NSD3: variants seen among roughly 807,000 people sequenced by gnomAD.
The protein encoded by NSD3 is nuclear receptor binding SET domain protein 3, also known as histone-lysine N-methyltransferase NSD3.
A neutral mutation model predicts 160.8 loss-of-function variants in NSD3; 24 were observed. That is an observed-to-expected ratio of 0.15 (90% CI 0.11 to 0.21). The LOEUF is 0.21. Ranked by LOEUF, NSD3 falls within the 10% of genes least tolerant of loss-of-function variation. The pLI is 1.00. For missense variants in NSD3, 1,157 were observed against 1,735.9 expected (o/e 0.67, Z 5.93); for synonymous variants, 520 against 600.0 (o/e 0.87, Z 1.95).
At chr8:38,381,746 G>A (rs758491243) in intron 1 of NSD3, 53 bp downstream of exon 1, 21 of 144,822 alleles carry the variant, frequency 1.5e-4, no homozygotes, top group Non-Finnish European at 2.4e-4. Flanking sequence ...GCGCGCGCGC[G>A]CACACACACA....
intron 15 of NSD3, among the ~76,000 whole-genome samples, chr8:38,296,345 G>GT (rs1426881043): frequency 2.6e-5 from 4 of 152,164 alleles, no homozygotes; most frequent in African/African-American, 9.7e-5. Context: ...TCCTTCAGAG[G>GT]TAAGAAAGAA....
At chr8:38,379,621 A>G (rs960546245) in intron 1 of NSD3, among the ~76,000 whole-genome samples, 1 of 152,236 alleles carries the variant, frequency 6.6e-6, no homozygotes, top group Non-Finnish European at 1.5e-5. Context: ...CCACTTTAAC[A>G]ACATTCAATT....
chr8:38,324,535 T>A (rs1809862124), intron 7 of NSD3, among the ~76,000 whole-genome samples: 2 of 152,208 alleles, frequency 1.3e-5, no homozygotes, highest in Non-Finnish European at 2.9e-5. Context: ...CCACTTCAGG[T>A]CTTAAGACTT....
chr8:38,271,452 C>T lies in NSD3; in HGVS notation c.*4189G>A, dbSNP rs376637143. On this transcript the variant is annotated 3_prime_UTR_variant, in exon 24 of 24. Transcript: ENST00000317025. ...GGGGGTTCCCTTTCTCCTGGTACCCCACCCCAGGTAAAAGTTGGTGAGATT... is the reference window on the plus strand; with the variant it reads ...GGGGGTTCCCTTTCTCCTGGTACCCTACCCCAGGTAAAAGTTGGTGAGATT... 4 of 152,026 alleles carry T rather than the reference C, an allele frequency of 2.6e-5. No homozygotes were observed. Among genetic ancestry groups the T allele is most frequent in the Admixed American group, 1.3e-4 (2 of 15,268 alleles). 9.4% of individuals were successfully genotyped at this position (152,026 alleles called of 1,614,324 possible).
chr8:38,291,154 C>A (rs1462474135), intron 16 of NSD3, among the ~76,000 whole-genome samples: 1 of 152,170 alleles, frequency 6.6e-6, no homozygotes, highest in Admixed American at 6.5e-5. Context: ...TCGAGTCAAC[C>A]TGGGCAAACA....
intron 1 of NSD3, among the ~76,000 whole-genome samples, chr8:38,364,215 T>C (rs1381574964): frequency 6.6e-6 from 1 of 151,964 alleles, no homozygotes; most frequent in Non-Finnish European, 1.5e-5. Flanking sequence ...AGGTGGAGGT[T>C]GCAGTGAGCC....
chr8:38,315,282 G>T, intron 11 of NSD3, 134 bp downstream of exon 11: 1 of 1,118,562 alleles, frequency 8.9e-7, no homozygotes, highest in Non-Finnish European at 1.2e-6. Flanking sequence ...CCACAAAGAG[G>T]TTTTATATCT....
rs576445362 is a variant in NSD3, at chr8:38,322,592, T to C, written c.1709-1420A>G. ...AGCAGATGAGATTTGATTTACTGTC[T>C]TATAGAGGATAAAGCAACATGATTT... On this transcript the variant is annotated intron_variant, in intron 7 of 23. Transcript: ENST00000317025. Among the ~76,000 whole-genome samples, 10 of 152,320 alleles carry C rather than the reference T, an allele frequency of 6.6e-5. No homozygotes were observed. In the East Asian group the frequency reaches 1.9e-3, roughly 29 times the overall value.
rs1023289310 is a variant in NSD3, at chr8:38,270,624, A to G, written c.*5017T>C. 23 of 152,250 alleles carry G rather than the reference A, an allele frequency of 1.5e-4. No individual in the cohort carries two copies. The highest frequency in any genetic ancestry group is 5.5e-4 in the African/African-American group (23 of 41,458). 9.4% of individuals were successfully genotyped at this position (152,250 alleles called of 1,614,324 possible). On this transcript the variant is annotated 3_prime_UTR_variant, in exon 24 of 24. Coordinates refer to ENST00000317025, the MANE Select transcript of NSD3 (RefSeq NM_023034.2). Reference sequence around the variant, plus strand: ...CCTTATTCAATACCTTATATAGGTCATCTGACAGATACTTGAGGGCTGTTT... The same window carrying G: ...CCTTATTCAATACCTTATATAGGTCGTCTGACAGATACTTGAGGGCTGTTT...
intron 19 of NSD3, among the ~76,000 whole-genome samples, chr8:38,282,583 A>G (rs1205271013): frequency 6.6e-6 from 1 of 152,194 alleles, no homozygotes; most frequent in African/African-American, 2.4e-5. Context: ...AGGCTGGAGA[A>G]TCGCCGAAAC....
chr8:38,307,114 C>CAA (rs1194554014), intron 12 of NSD3, among the ~76,000 whole-genome samples: 3 of 64,164 alleles, frequency 4.7e-5, no homozygotes, highest in Non-Finnish European at 6.8e-5. Flanking sequence ...GATACCGTCT[C>CAA]AAAAAAAAAA....
intron 1 of NSD3, among the ~76,000 whole-genome samples, chr8:38,358,172 T>C (rs1055316961): frequency 6.6e-6 from 1 of 152,198 alleles, no homozygotes; most frequent in Non-Finnish European, 1.5e-5. Flanking sequence ...TGTAGTTAAC[T>C]GAATCAGCAT....
intron 4 of NSD3, among the ~76,000 whole-genome samples, chr8:38,336,361 A>T (rs934510311): frequency 2.0e-5 from 3 of 152,230 alleles, no homozygotes; most frequent in Admixed American, 2.0e-4. Flanking sequence ...AAATCCCAGA[A>T]AAGGAGTAGA....
rs1349532476 is a variant in NSD3, at chr8:38,272,294, G to C, written c.*3347C>G. ...ATTCCCCAACTCAGCCAGTTCTATA[G>C]ATGAGGCCAGATCATTTTTGAGAAT... On this transcript the variant is annotated 3_prime_UTR_variant, in exon 24 of 24. Transcript: ENST00000317025. 3 of 152,206 alleles carry C rather than the reference G, an allele frequency of 2.0e-5. No homozygotes were observed. Among genetic ancestry groups the C allele is most frequent in the Non-Finnish European group, 4.4e-5 (3 of 68,030 alleles). 9.4% of individuals were successfully genotyped at this position (152,206 alleles called of 1,614,324 possible). A position where few individuals can be genotyped will look rare whatever the true frequency, so the allele number is the denominator to read the frequency against.
intron 12 of NSD3, among the ~76,000 whole-genome samples, chr8:38,306,240 A>T (rs1809389859): frequency 6.6e-6 from 1 of 152,182 alleles, no homozygotes; most frequent in East Asian, 1.9e-4. Context: ...TCCTACAAAC[A>T]TTAAAAAGAT....
In NSD3 at chr8:38,318,803, C is replaced by T; in HGVS notation, c.1855+92G>A. 1 of 1,259,708 alleles carries T rather than the reference C, an allele frequency of 7.9e-7. No homozygotes were observed. The highest frequency in any genetic ancestry group is 1.1e-6 in the Non-Finnish European group (1 of 869,686). 78.0% of individuals were successfully genotyped at this position (1,259,708 alleles called of 1,614,324 possible). On this transcript the variant is annotated intron_variant, in intron 9 of 23. Transcript: ENST00000317025. This position sits in a 1 kb window ranked among gnomAD's most constrained non-coding sequence, Gnocchi z 5.3. ...CACACTGAAGAGCAACAACGATTTA[C>T]AGAGACAGACAAAAATACATGAAGT...
intron 2 of NSD3, 125 bp downstream of exon 2, chr8:38,347,372 T>C (rs1038990172): frequency 2.7e-5 from 26 of 975,348 alleles, no homozygotes; most frequent in South Asian, 1.9e-4. Flanking sequence ...TCTGAGCACG[T>C]TGCTAGTGAT....
chr8:38,371,823 C>A (rs1408505126), intron 1 of NSD3, among the ~76,000 whole-genome samples: 1 of 152,122 alleles, frequency 6.6e-6, no homozygotes, highest in African/African-American at 2.4e-5. Context: ...CGCAAATAGA[C>A]CGTATTCAGC....
At position 38,310,709 on chromosome 8, in the gene NSD3, A is replaced by G. The variant is rs573640316; in HGVS notation, c.2242+3938T>C. Among the ~76,000 whole-genome samples the G allele has an allele frequency of 2.1e-4, 31 of 147,924 alleles. 1 individual carries two copies. The South Asian group carries it at 5.1e-3, about 24-fold the overall frequency. ...TTTTTTTTGGTAGAAATGAGGTTTT[A>G]CCATGTTGCCCAGGATGGTCTTGAA... On this transcript the variant is annotated intron_variant, in intron 12 of 23. Transcript: ENST00000317025.
Sources: gnomAD v4.1 joint callset for allele counts (sites outside exome capture counted in the v4.1 genomes callset) on GRCh38, gnomAD v4.1.1 for gene constraint, Gnocchi (gnomAD v3.1) non-coding constraint, MANE v1.5 for transcripts, NCBI Gene and HGNC (gene_info 2026-07-23, HGNC 2026-07-21) for gene names.